Variants in NPC1 observed in about 807,000 individuals in gnomAD.
NPC1 encodes the protein NPC intracellular cholesterol transporter 1.
Under a neutral mutation model 140.4 loss-of-function variants are expected in NPC1, and 85 were observed. The observed-to-expected ratio is 0.61, with a 90% CI of 0.51 to 0.72. NPC1 has a LOEUF of 0.72. Among genes scored for constraint, NPC1 ranks in the 30% least tolerant of loss-of-function variants. The pLI is 0.00. For missense variants in NPC1, 1,504 were observed against 1,623.8 expected, an observed-to-expected ratio of 0.93 and a Z score of 1.27; for synonymous variants, 656 against 624.8, an observed-to-expected ratio of 1.05 and a Z score of -0.74.
chr18:23,526,754 T>C, downstream of NPC1: 1 of 1,614,040 alleles, frequency 6.2e-7, no homozygotes, highest in Non-Finnish European at 8.5e-7. Flanking sequence ...ATCCTGTCTG[T>C]CTGTTCACAG....
chr18:23,527,713 GT>G (rs761772079), downstream of NPC1: 24 of 1,074,984 alleles, frequency 2.2e-5, no homozygotes, highest in African/African-American at 4.8e-5. Flanking sequence ...TTTGAGATTA[GT>G]TTTTATCATA....
chr18:23,509,932 C>G (rs1385172331), intron 3 of NPC1, among the ~76,000 whole-genome samples: 1 of 151,500 alleles, frequency 6.6e-6, no homozygotes, highest in Non-Finnish European at 1.5e-5. Flanking sequence ...AACTCCTAAC[C>G]TCAACTCCTG....
At chr18:23,576,243 AAAC>A (rs1180766375) in intron 1 of NPC1, among the ~76,000 whole-genome samples, 3 of 146,142 alleles carry the variant, frequency 2.1e-5, no homozygotes, top group East Asian at 1.9e-4. Flanking sequence ...CAAAAAAACA[AAAC>A]AAACAAAAAC....
intron 11 of NPC1, among the ~76,000 whole-genome samples, chr18:23,547,519 T>G (rs1404413308): frequency 6.6e-6 from 1 of 152,082 alleles, no homozygotes. Flanking sequence ...GGAGGGTGAA[T>G]CACCTGAGGT....
chr18:23,538,322 T>G (rs918973701), intron 20 of NPC1, among the ~76,000 whole-genome samples: 2 of 152,146 alleles, frequency 1.3e-5, no homozygotes, highest in Admixed American at 6.5e-5. Flanking sequence ...AGAGAGAGCA[T>G]GAGATGTGAA....
At chr18:23,580,735 G>A (rs779498882) in intron 1 of NPC1, among the ~76,000 whole-genome samples, 3 of 152,214 alleles carry the variant, frequency 2.0e-5, no homozygotes, top group African/African-American at 4.8e-5. Context: ...AGCAGAGGCT[G>A]GCCTGGCCAG....
Position 23,531,889 on chromosome 18 carries a change from T to TA in NPC1, c.*312_*313insT. 7.0e-7 allele frequency: 1 copy of TA among 1,421,178 alleles called. No individual in the cohort carries two copies. The highest frequency in any genetic ancestry group is 9.2e-7 in the Non-Finnish European group (1 of 1,086,660). The allele number at this position is 1,421,178 out of a possible 1,614,324, so 88.0% of individuals were successfully genotyped here. A position where few individuals can be genotyped will look rare whatever the true frequency, so the allele number is the denominator to read the frequency against. On this transcript the variant is annotated 3_prime_UTR_variant, in exon 25 of 25. Coordinates refer to ENST00000269228, the MANE Select transcript of NPC1 (RefSeq NM_000271.5). The stretch of plus-strand genomic sequence containing the variant: ...AGACAGACAGTGCATTGATTGGCCT[T>TA]TACAGAGTGTCAGTGAGCGGATCAC...
chr18:23,516,564 G>A, intron 3 of NPC1: 1 of 783,238 alleles, frequency 1.3e-6, no homozygotes, highest in Non-Finnish European at 2.1e-6. Flanking sequence ...GGTATTCAGT[G>A]TATAGGTCCT....
chr18:23,586,039 T>C (rs1372452537), intron 1 of NPC1, among the ~76,000 whole-genome samples: 1 of 152,190 alleles, frequency 6.6e-6, no homozygotes, highest in Admixed American at 6.5e-5. Flanking sequence ...ACAGAGAAAT[T>C]AGGTGACCAC....
chr18:23,523,424 T>A (rs991945559), intron 1 of NPC1, among the ~76,000 whole-genome samples: 43 of 150,488 alleles, frequency 2.9e-4, no homozygotes, highest in African/African-American at 1.1e-3. Flanking sequence ...TTTAGATAAT[T>A]AAGTGGCTGG....
At chr18:23,573,634 G>A (rs1259173513) in intron 1 of NPC1, 60 bp from the exon 2 acceptor site, 6 of 1,604,974 alleles carry the variant, frequency 3.7e-6, no homozygotes, top group Non-Finnish European at 5.1e-6. Flanking sequence ...ATTTCAACAA[G>A]AAGTGCCCAC....
At position 23,544,480 on chromosome 18, in the gene NPC1, A is replaced by G. The variant is rs1219316599; in HGVS notation, c.1994T>C (p.Leu665Pro). ...ACCCAAGGAGCAAGCCACCGAGCTC[A>G]GCACGATCAAGATGCCCGCGATGCC... is the stretch of plus-strand genomic sequence containing the variant. ...SLGIAGILIV[L>P]SSVACSLGVF... Residue 665 changes from leucine to proline, a missense_variant, in exon 13 of 25, where the codon CTG (leucine) becomes CCG (proline). Transcript: ENST00000269228. The G allele has an allele frequency of 6.2e-7, 1 of 1,601,754 alleles. No homozygotes were observed. The highest frequency in any genetic ancestry group is 8.5e-7 in the Non-Finnish European group (1 of 1,174,450).
At chr18:23,514,434 A>G (rs1598862637) in intron 3 of NPC1, among the ~76,000 whole-genome samples, 1 of 152,266 alleles carries the variant, frequency 6.6e-6, no homozygotes, top group African/African-American at 2.4e-5. Context: ...GTGGGCGCCT[A>G]TAATCCCAGT....
intron 4 of NPC1, among the ~76,000 whole-genome samples, chr18:23,564,621 CCTT>C (rs1326224779): frequency 2.0e-5 from 3 of 152,132 alleles, no homozygotes; most frequent in South Asian, 2.1e-4. Context: ...CTGTGCCCGG[CCTT>C]CTTGTCTTTT....
chr18:23,538,986 G>C (rs2058672980), intron 19 of NPC1: 4 of 451,760 alleles, frequency 8.9e-6, no homozygotes, highest in Non-Finnish European at 1.6e-5. Flanking sequence ...GAAAATTCCA[G>C]GGCAACCTCG....
At chr18:23,553,770 C>T (rs535338061) in intron 9 of NPC1, among the ~76,000 whole-genome samples, 13 of 152,268 alleles carry the variant, frequency 8.5e-5, no homozygotes, top group South Asian at 4.1e-4. Context: ...ACCAAAGCAC[C>T]GCTTCCTGGG....
chr18:23,520,425 C>T, downstream of NPC1: 6 of 884,114 alleles, frequency 6.8e-6, no homozygotes, highest in Non-Finnish European at 1.0e-5. Flanking sequence ...AACAGAGATT[C>T]CCAGATCTGT....
In NPC1 at chr18:23,531,818, A is replaced by AAAAATATGGTATAGAACTTGT; in HGVS notation, c.*363_*383dup. ...TGTATCTACAACCTCAACTGTCACT[A>AAAAATATGGTATAGAACTTGT]AAAATATGGTATAGAACTTGTGGGA... On this transcript the variant is annotated 3_prime_UTR_variant, in exon 25 of 25. Coordinates refer to ENST00000269228, the MANE Select transcript of NPC1 (RefSeq NM_000271.5). 1 of 1,501,554 alleles carries AAAAATATGGTATAGAACTTGT rather than the reference A, an allele frequency of 6.7e-7. No homozygotes were observed. The highest frequency in any genetic ancestry group is 8.8e-7 in the Non-Finnish European group (1 of 1,135,266). The allele number at this position is 1,501,554 out of a possible 1,614,324, so 93.0% of individuals were successfully genotyped here. A position where few individuals can be genotyped will look rare whatever the true frequency, so the allele number is the denominator to read the frequency against.
At chr18:23,567,120 T>TATGGA (rs1210948598) in intron 4 of NPC1, among the ~76,000 whole-genome samples, 2 of 152,228 alleles carry the variant, frequency 1.3e-5, no homozygotes, top group African/African-American at 4.8e-5. Flanking sequence ...TTTTGGCACT[T>TATGGA]ATGGACAAAG....
Sources: allele counts gnomAD v4.1 joint callset (sites outside exome capture counted in the v4.1 genomes callset), GRCh38; gene constraint gnomAD v4.1.1; transcripts MANE v1.5; gene names NCBI Gene and HGNC (gene_info 2026-07-23, HGNC 2026-07-21).